The following CYYR1 variants were observed in gnomAD, a reference collection of about 807,000 sequenced individuals.
CYYR1 encodes cysteine and tyrosine-rich protein 1.
Under a neutral mutation model 15.2 loss-of-function variants are expected in CYYR1, and 14 were observed. The ratio of observed to expected loss-of-function variants is 0.92; its 90% CI spans 0.61 to 1.44. The LOEUF (loss-of-function observed/expected upper bound fraction) is 1.44. Among genes scored for constraint, CYYR1 ranks in the 40% most tolerant of loss-of-function variants. CYYR1 has a pLI of 0.00. For synonymous variants in CYYR1, 80 were observed against 77.4 expected (o/e 1.03, Z -0.18); for missense variants, 228 against 209.5 (o/e 1.09, Z -0.54).
At chr21:26,554,404 T>A (rs1477323326) in intron 2 of CYYR1, among the ~76,000 whole-genome samples, 1 of 152,114 alleles carries the variant, frequency 6.6e-6, no homozygotes, top group Non-Finnish European at 1.5e-5. Context: ...TCTGAGTGGG[T>A]TTCTCCCTCT....
intron 2 of CYYR1, among the ~76,000 whole-genome samples, chr21:26,552,931 G>A (rs1979499582): frequency 6.6e-6 from 1 of 152,086 alleles, no homozygotes; most frequent in Non-Finnish European, 1.5e-5. Flanking sequence ...AACTAGTACT[G>A]CTAGTGGGGC....
chr21:26,514,596 T>A (rs1847701905), intron 2 of CYYR1, among the ~76,000 whole-genome samples: 1 of 152,210 alleles, frequency 6.6e-6, no homozygotes, highest in African/African-American at 2.4e-5. Context: ...CCTCAGCTAT[T>A]CCTTTAGAGC....
At chr21:26,543,010 ATGTT>A (rs1326747456) in intron 2 of CYYR1, among the ~76,000 whole-genome samples, 1 of 152,238 alleles carries the variant, frequency 6.6e-6, no homozygotes, top group African/African-American at 2.4e-5. Context: ...AAGCTAAAGA[ATGTT>A]TGTCTGCTAT....
At chr21:26,477,701 G>C in intron 3 of CYYR1, 4 of 960,278 alleles carry the variant, frequency 4.2e-6, no homozygotes, top group Non-Finnish European at 5.0e-6. Flanking sequence ...TCAAGCTAAT[G>C]AGTATCTAGA....
intron 2 of CYYR1, chr21:26,564,675 A>T: frequency 1.7e-5 from 18 of 1,081,684 alleles, no homozygotes; most frequent in South Asian, 2.6e-5. Context: ...GGAGGTAGCT[A>T]TGGAGTGAGA....
At position 26,467,585 on chromosome 21, in the gene CYYR1, A is replaced by AAGTGAAGT. The variant is rs1339532201; in HGVS notation, c.*908_*915dup. ...AATTGATTTCTCATCTTTTACTTGGAAGTGAAGTGTCTGCTACCTGTGGAA... is the reference window on the plus strand; with the variant it reads ...AATTGATTTCTCATCTTTTACTTGGAAGTGAAGTAGTGAAGTGTCTGCTACCTGTGGAA... On this transcript the variant is annotated 3_prime_UTR_variant, in exon 4 of 4. Transcript: ENST00000652641. The AAGTGAAGT allele has an allele frequency of 3.9e-5, 6 of 152,046 alleles. No homozygotes were observed. Among genetic ancestry groups the AAGTGAAGT allele is most frequent in the African/African-American group, 9.7e-5 (4 of 41,378 alleles). 9.4% of individuals were successfully genotyped at this position (152,046 alleles called of 1,614,324 possible). A position where few individuals can be genotyped will look rare whatever the true frequency, so the allele number is the denominator to read the frequency against.
In CYYR1 at chr21:26,468,382, A is replaced by T; in HGVS notation, c.*119T>A. ...TCCTAGCAGGGATATTCCACCTGAC[A>T]CATTATCTGACCCCAAAAAGTATTC... On this transcript the variant is annotated 3_prime_UTR_variant, in exon 4 of 4. Transcript: ENST00000652641. The T allele has an allele frequency of 1.3e-6, 1 of 772,170 alleles. No homozygotes were observed. Among genetic ancestry groups the T allele is most frequent in the Non-Finnish European group, 2.4e-6 (1 of 423,920 alleles). The allele number at this position is 772,170 out of a possible 1,614,324, so 47.8% of individuals were successfully genotyped here.
intron 2 of CYYR1, among the ~76,000 whole-genome samples, chr21:26,540,017 CT>C (rs1416936786): frequency 6.6e-6 from 1 of 152,138 alleles, no homozygotes; most frequent in South Asian, 2.1e-4. Context: ...AGGAAGGCCT[CT>C]TTTTTGTGTT....
chr21:26,510,321 A>G (rs1320401061), intron 2 of CYYR1, among the ~76,000 whole-genome samples: 1 of 152,244 alleles, frequency 6.6e-6, no homozygotes, highest in African/African-American at 2.4e-5. Context: ...AGAGCCATAG[A>G]GAATGCTATC....
intron 2 of CYYR1, chr21:26,482,545 T>C (rs2065196183): frequency 2.0e-6 from 2 of 981,084 alleles, no homozygotes; most frequent in Non-Finnish European, 2.4e-6. Flanking sequence ...TAATTCTTGG[T>C]GAACTGCATT....
chr21:26,561,595 C>T (rs1303755022), intron 2 of CYYR1, among the ~76,000 whole-genome samples: 1 of 152,092 alleles, frequency 6.6e-6, no homozygotes, highest in Non-Finnish European at 1.5e-5. Flanking sequence ...TTAATCTCAC[C>T]AGGATCTCCA....
chr21:26,492,363 T>C (rs8134923), intron 2 of CYYR1, among the ~76,000 whole-genome samples: 1 of 152,188 alleles, frequency 6.6e-6, no homozygotes. Flanking sequence ...ATTAGATACC[T>C]GTCCTTAGAC....
intron 2 of CYYR1, among the ~76,000 whole-genome samples, chr21:26,483,005 T>C (rs888870960): frequency 6.6e-6 from 1 of 152,010 alleles, no homozygotes; most frequent in Non-Finnish European, 1.5e-5. Flanking sequence ...CTATTTTCTG[T>C]ATTCTTCCTT....
At chr21:26,525,250 C>T (rs2065849093) in intron 2 of CYYR1, among the ~76,000 whole-genome samples, 1 of 151,708 alleles carries the variant, frequency 6.6e-6, no homozygotes, top group Admixed American at 6.6e-5. Flanking sequence ...AAATTTTTTT[C>T]AATGAGTTTC....
At chr21:26,520,154 G>C (rs2065785971) in intron 2 of CYYR1, among the ~76,000 whole-genome samples, 1 of 122,298 alleles carries the variant, frequency 8.2e-6, no homozygotes, top group Non-Finnish European at 1.7e-5. Flanking sequence ...AGAAAGTGCA[G>C]GTTTATTACA....
intron 2 of CYYR1, among the ~76,000 whole-genome samples, chr21:26,516,916 C>T (rs888993831): frequency 2.0e-5 from 3 of 151,164 alleles, no homozygotes; most frequent in Admixed American, 6.6e-5. Context: ...GAGATCGAGA[C>T]CATCCTGGCT....
At chr21:26,572,610 C>T (rs55769509) in intron 1 of CYYR1, among the ~76,000 whole-genome samples, 6,904 of 152,112 alleles carry the variant, frequency 0.045, 198 homozygotes, top group South Asian at 0.059. Context: ...CCCCTAAACA[C>T]GAGACTGCTA....
chr21:26,571,880 C>T (rs1981030219), intron 1 of CYYR1, among the ~76,000 whole-genome samples: 3 of 152,170 alleles, frequency 2.0e-5, no homozygotes, highest in Non-Finnish European at 4.4e-5. Flanking sequence ...CACTAATTTG[C>T]ATTTCAATAA....
chr21:26,475,834 A>G (rs2065096142), intron 3 of CYYR1, among the ~76,000 whole-genome samples: 1 of 152,230 alleles, frequency 6.6e-6, no homozygotes, highest in African/African-American at 2.4e-5. Context: ...ACTTGACTAC[A>G]TTAATGTATC....
Sources: gnomAD v4.1 joint callset for allele counts (sites outside exome capture counted in the v4.1 genomes callset) on GRCh38, gnomAD v4.1.1 for gene constraint, MANE v1.5 for transcripts, NCBI Gene and HGNC (gene_info 2026-07-23, HGNC 2026-07-21) for gene names.